Variants in RAD51B observed in about 807,000 individuals in gnomAD.
The protein encoded by RAD51B is DNA repair protein RAD51 homolog 2.
RAD51B carries 38 observed loss-of-function variants against 42.2 expected under a neutral mutation model. The observed-to-expected ratio is 0.90, with a 90% CI of 0.70 to 1.18. The LOEUF is 1.18. Ranked by LOEUF, RAD51B falls within the 50% of genes most tolerant of loss-of-function variation. The pLI is 0.00. For synonymous variants in RAD51B, 154 were observed against 145.2 expected (o/e 1.06, Z -0.43); for missense variants, 373 against 400.7 (o/e 0.93, Z 0.59).
intron 8 of RAD51B, among the ~76,000 whole-genome samples, chr14:68,351,318 C>T (rs2082782841): frequency 6.6e-6 from 1 of 152,078 alleles, no homozygotes; most frequent in South Asian, 2.1e-4. Flanking sequence ...ACTTTTTGTA[C>T]CAAAAGTAGA....
At chr14:68,181,125 C>T (rs370602541) in intron 7 of RAD51B, among the ~76,000 whole-genome samples, 1 of 152,186 alleles carries the variant, frequency 6.6e-6, no homozygotes, top group African/African-American at 2.4e-5. Flanking sequence ...GGGTTTTAGT[C>T]TTGACCGTGT....
chr14:68,036,032 T>C (rs1236476563), intron 7 of RAD51B, among the ~76,000 whole-genome samples: 3 of 152,250 alleles, frequency 2.0e-5, no homozygotes, highest in African/African-American at 7.2e-5. Flanking sequence ...CTTTTCCCTG[T>C]TATCCGTGGT....
intron 10 of RAD51B, among the ~76,000 whole-genome samples, chr14:68,473,943 G>A (rs910496625): frequency 6.6e-6 from 1 of 152,132 alleles, no homozygotes; most frequent in Non-Finnish European, 1.5e-5. Flanking sequence ...ATGATTTATT[G>A]TACACGATTT....
intron 10 of RAD51B, among the ~76,000 whole-genome samples, chr14:68,520,890 C>T (rs115439824): frequency 1.2e-3 from 183 of 152,276 alleles, no homozygotes; most frequent in African/African-American, 4.2e-3. Context: ...CAAAGAGAAA[C>T]GTCAATAGTC....
intron 7 of RAD51B, among the ~76,000 whole-genome samples, chr14:68,246,985 G>C (rs1001286111): frequency 6.6e-6 from 1 of 152,104 alleles, no homozygotes; most frequent in African/African-American, 2.4e-5. Flanking sequence ...TTTCTATCCT[G>C]TGACTGAAGA....
At chr14:67,906,654 C>T (rs1346181315) in intron 7 of RAD51B, among the ~76,000 whole-genome samples, 1 of 151,874 alleles carries the variant, frequency 6.6e-6, no homozygotes, top group Non-Finnish European at 1.5e-5. Context: ...TTATCCATTT[C>T]TTCTAGGTTT....
intron 7 of RAD51B, among the ~76,000 whole-genome samples, chr14:67,965,458 G>C (rs772196699): frequency 3.3e-5 from 5 of 151,920 alleles, no homozygotes; most frequent in Admixed American, 6.6e-5. Flanking sequence ...CCATACTCTT[G>C]TCAAATCTCT....
At chr14:68,285,055 C>T (rs1224280423) in intron 7 of RAD51B, among the ~76,000 whole-genome samples, 1 of 152,118 alleles carries the variant, frequency 6.6e-6, no homozygotes, top group Non-Finnish European at 1.5e-5. Flanking sequence ...CAGCTCCTAC[C>T]ACAGCAGACA....
intron 7 of RAD51B, among the ~76,000 whole-genome samples, chr14:68,121,411 G>C (rs562030379): frequency 6.6e-6 from 1 of 152,226 alleles, no homozygotes; most frequent in South Asian, 2.1e-4. Context: ...CCTTGTTGAG[G>C]AGTAACAGCC....
intron 8 of RAD51B, among the ~76,000 whole-genome samples, chr14:68,298,402 T>G (rs950174020): frequency 3.0e-4 from 45 of 152,184 alleles, no homozygotes; most frequent in African/African-American, 8.9e-4. Flanking sequence ...TTGCTGGTGC[T>G]AGTTTGTCAA....
At chr14:68,360,898 G>A (rs1254758018) in intron 8 of RAD51B, among the ~76,000 whole-genome samples, 1 of 152,200 alleles carries the variant, frequency 6.6e-6, no homozygotes, top group Non-Finnish European at 1.5e-5. Context: ...GACTGAGGGG[G>A]TAGACAGAGC....
At chr14:68,341,534 G>A (rs759718080) in intron 8 of RAD51B, among the ~76,000 whole-genome samples, 17 of 152,174 alleles carry the variant, frequency 1.1e-4, no homozygotes, top group Non-Finnish European at 1.9e-4. Context: ...ATGTAATTGC[G>A]AAGGCTAAGA....
chr14:68,004,078 C>A (rs1373632074), intron 7 of RAD51B, among the ~76,000 whole-genome samples: 1 of 151,868 alleles, frequency 6.6e-6, no homozygotes, highest in African/African-American at 2.4e-5. Flanking sequence ...TTGCTGTAAT[C>A]CCAGCACTTT....
intron 7 of RAD51B, among the ~76,000 whole-genome samples, chr14:67,892,978 A>G (rs1040306286): frequency 6.6e-6 from 1 of 152,166 alleles, no homozygotes; most frequent in African/African-American, 2.4e-5. Flanking sequence ...TTTGATCTGT[A>G]TCCTTTTTCT....
intron 7 of RAD51B, among the ~76,000 whole-genome samples, chr14:68,010,751 T>C (rs1421771330): frequency 6.6e-6 from 1 of 151,834 alleles, no homozygotes; most frequent in African/African-American, 2.4e-5. Context: ...TGGAGAAAGG[T>C]AGAATTTAGT....
chr14:67,946,352 C>CTTTTTTTTTTTTTTTTTTTT (rs201862167), intron 7 of RAD51B, among the ~76,000 whole-genome samples: 1 of 151,386 alleles, frequency 6.6e-6, no homozygotes, highest in African/African-American at 2.4e-5. Flanking sequence ...AATAGTTCCT[C>CTTTTTTTTTTTTTTTTTTTT]TTTTTTGTTG....
intron 9 of RAD51B, among the ~76,000 whole-genome samples, chr14:68,445,645 C>G (rs572386003): frequency 6.6e-6 from 1 of 152,328 alleles, no homozygotes; most frequent in East Asian, 1.9e-4. Context: ...CCCCACCTTC[C>G]TCAGTCTATG....
intron 5 of RAD51B, among the ~76,000 whole-genome samples, chr14:67,876,185 A>G (rs2042720434): frequency 0.025 from 1 of 40 alleles, no homozygotes; most frequent in Non-Finnish European, 0.045. Context: ...TCAGTAATAT[A>G]TATTGAATGA....
chr14:68,639,479 G>T (rs1892411005), intron 10 of RAD51B, among the ~76,000 whole-genome samples: 1 of 152,186 alleles, frequency 6.6e-6, no homozygotes, highest in Admixed American at 6.5e-5. Flanking sequence ...GTCCCTGGTG[G>T]GCTACACATA....
Sources: gnomAD v4.1 joint callset for allele counts (sites outside exome capture counted in the v4.1 genomes callset) on GRCh38, gnomAD v4.1.1 for gene constraint, MANE v1.5 for transcripts, NCBI Gene and HGNC (gene_info 2026-07-23, HGNC 2026-07-21) for gene names.